The following TTK variants were observed in gnomAD, a reference collection of about 807,000 sequenced individuals.
TTK encodes the protein dual specificity protein kinase TTK.
Under a neutral mutation model 117.3 loss-of-function variants are expected in TTK, and 59 were observed. That is an observed-to-expected ratio of 0.50 (90% CI 0.41 to 0.62). The LOEUF is 0.62. Among genes scored for constraint, TTK ranks in the 20% least tolerant of loss-of-function variants. TTK has a pLI of 0.00. For synonymous variants in TTK, 302 were observed against 325.0 expected, an observed-to-expected ratio of 0.93 and a Z score of 0.76; for missense variants, 921 against 989.4, an observed-to-expected ratio of 0.93 and a Z score of 0.93.
intron 2 of TTK, among the ~76,000 whole-genome samples, chr6:80,006,815 C>A (rs1321972616): frequency 6.6e-6 from 1 of 151,866 alleles, no homozygotes; most frequent in African/African-American, 2.4e-5. Flanking sequence ...AAGGTCAGAC[C>A]AAATTAAATT....
chr6:80,010,602 AT>A (rs1421646554), intron 4 of TTK, among the ~76,000 whole-genome samples: 1 of 151,784 alleles, frequency 6.6e-6, no homozygotes, highest in Non-Finnish European at 1.5e-5. Context: ...ACTATTTGGT[AT>A]GCATTGTTAT....
intron 9 of TTK, among the ~76,000 whole-genome samples, chr6:80,014,009 G>A (rs1452864535): frequency 6.6e-6 from 1 of 152,046 alleles, no homozygotes; most frequent in African/African-American, 2.4e-5. Flanking sequence ...CTGTCCTAGA[G>A]AACAGTGCAT....
rs1350175387 is a variant in TTK at position 80,009,532 on chromosome 6, C to G, written c.469+1040C>G. 4.6e-5 allele frequency among the ~76,000 whole-genome samples: 7 copies of G among 152,046 alleles called. No individual in the cohort carries two copies. In the East Asian group the frequency reaches 1.2e-3, roughly 25 times the overall value. ...GCAAGGCTTCTTTCTCTCCATTCTG[C>G]TTGAAAATTTCTTGAGGTATTGTGG... On this transcript the variant is annotated intron_variant, in intron 4 of 21. Transcript: ENST00000369798.
At chr6:80,013,411 T>C in intron 9 of TTK, 45 bp downstream of exon 9, 2 of 1,462,770 alleles carry the variant, frequency 1.4e-6, no homozygotes, top group Non-Finnish European at 1.9e-6. Flanking sequence ...GTTCCTGATC[T>C]GGGAGGATCA....
At chr6:80,026,756 A>G (rs1767619489) in intron 12 of TTK, among the ~76,000 whole-genome samples, 1 of 152,200 alleles carries the variant, frequency 6.6e-6, no homozygotes, top group Non-Finnish European at 1.5e-5. Context: ...ATCTGTACCT[A>G]CAACCTATAA....
intron 14 of TTK, 136 bp downstream of exon 14, chr6:80,031,695 C>CTA (rs1165140510): frequency 3.8e-6 from 2 of 520,036 alleles, no homozygotes; most frequent in Non-Finnish European, 6.5e-6. Flanking sequence ...GCCATCTTAA[C>CTA]ACCTGCCTTT....
chr6:80,013,183 G>A, intron 8 of TTK, 96 bp from the exon 9 acceptor site: 3 of 920,034 alleles, frequency 3.3e-6, no homozygotes, highest in South Asian at 3.2e-5. Flanking sequence ...TAAAAAGTAT[G>A]TATATTATTA....
rs746581445 is a variant in TTK at position 80,035,035 on chromosome 6, G to T, written c.1665G>T (p.Val555=). The change falls in exon 15 of 22, where the codon GTG becomes GTT. Residue 555 remains valine, a synonymous_variant. Transcript: ENST00000369798. ...EKKQIYAIKY[V]NLEEADNQTL... is the part of the protein sequence containing the mutation. ...AACAGATATATGCTATAAAATATGT[G>T]AACTTAGAAGAAGCAGATAACCAAA... The T allele has an allele frequency of 6.3e-7, 1 of 1,597,764 alleles. No homozygotes were observed. Among genetic ancestry groups the T allele is most frequent in the South Asian group, 1.2e-5 (1 of 86,864 alleles).
intron 13 of TTK, among the ~76,000 whole-genome samples, chr6:80,029,033 A>G (rs1014472188): frequency 6.6e-6 from 1 of 152,216 alleles, no homozygotes. Context: ...AATACAGAGC[A>G]TGACACTTAG....
rs940005678 is a variant in TTK at position 80,039,723 on chromosome 6, T to G, written c.2158T>G (p.Leu720Val). ...KISPKSDVWS[L>V]GCILYYMTYG... is the part of the protein sequence containing the mutation. ...AAGCCCCAAAAGTGATGTTTGGTCC[T>G]TAGGATGTATTTTGTACTATATGAC... The change falls in exon 19 of 22, where the codon TTA becomes GTA. Residue 720 changes from leucine (L) to valine (V), a missense_variant. Coordinates refer to ENST00000369798, the MANE Select transcript of TTK (RefSeq NM_003318.5). 2.6e-6 allele frequency: 4 copies of G among 1,549,322 alleles called. No individual in the cohort carries two copies. The African/African-American group carries it at 5.6e-5, about 22-fold the overall frequency.
At chr6:80,039,945 C>A in intron 19 of TTK, 73 bp downstream of exon 19, 4 of 1,228,076 alleles carry the variant, frequency 3.3e-6, no homozygotes, top group Non-Finnish European at 4.4e-6. Flanking sequence ...ATGTAACTGG[C>A]TTAGATATAA....
intron 3 of TTK, 57 bp downstream of exon 3, chr6:80,008,088 G>A: frequency 6.6e-7 from 1 of 1,523,162 alleles, no homozygotes; most frequent in Non-Finnish European, 8.9e-7. Context: ...TAACTACACT[G>A]CAAAGAGAGA....
intron 10 of TTK, among the ~76,000 whole-genome samples, chr6:80,020,588 A>C (rs960392155): frequency 1.3e-5 from 2 of 152,224 alleles, no homozygotes; most frequent in Non-Finnish European, 2.9e-5. Context: ...GAATTTGCCC[A>C]TAGTTTTAAA....
intron 21 of TTK, 145 bp downstream of exon 21, chr6:80,040,848 G>T: frequency 1.5e-6 from 1 of 652,042 alleles, no homozygotes; most frequent in Non-Finnish European, 2.6e-6. Flanking sequence ...CTTAACATGT[G>T]CATTTTGACA....
At chr6:80,028,761 C>G (rs1320856465) in intron 13 of TTK, among the ~76,000 whole-genome samples, 1 of 152,084 alleles carries the variant, frequency 6.6e-6, no homozygotes, top group Non-Finnish European at 1.5e-5. Flanking sequence ...ATACTAATAA[C>G]TAAACTAAGA....
chr6:80,034,096 T>A (rs1767827433), intron 14 of TTK, among the ~76,000 whole-genome samples: 1 of 152,170 alleles, frequency 6.6e-6, no homozygotes, highest in Non-Finnish European at 1.5e-5. Context: ...TAAATTATCA[T>A]TTAAGTTAAT....
In TTK at chr6:80,031,150, A is replaced by G. The variant is rs143699241; in HGVS notation, c.1522-317A>G. Among the ~76,000 whole-genome samples, 604 of 151,422 alleles carry G rather than the reference A, an allele frequency of 4.0e-3. 1 individual carries two copies. Among genetic ancestry groups the G allele is most frequent in the Non-Finnish European group, 6.7e-3 (457 of 67,822 alleles). On this transcript the variant is annotated intron_variant, in intron 13 of 21. Coordinates refer to ENST00000369798, the MANE Select transcript of TTK (RefSeq NM_003318.5). ...AAAGAATAGAAAAGAAAAATGAAAA[A>G]TATAATTTTATATTTTATTTTTATA...
intron 10 of TTK, 133 bp downstream of exon 10, chr6:80,014,719 C>A: frequency 2.1e-6 from 2 of 937,896 alleles, no homozygotes; most frequent in Non-Finnish European, 3.1e-6. Context: ...AATTTCCGTT[C>A]AGTTATATAG....
chr6:80,022,375 G>A lies in TTK; in HGVS notation c.1160G>A (p.Trp387Ter). Residue 387 changes from tryptophan (W) to a stop codon, truncating the protein, a stop_gained, in exon 11 of 22, where the codon TGG (tryptophan) becomes TAG (stop). Transcript: ENST00000369798. LOFTEE classifies it high-confidence loss of function. ...PEVPESNQKQ[W>*]QSKRKSECIN... ...GTTCCAGAGAGTAACCAGAAACAGTGGCAATCTAAGAGAAAGTCAGAGTGT... is the reference window on the plus strand; with the variant it reads ...GTTCCAGAGAGTAACCAGAAACAGTAGCAATCTAAGAGAAAGTCAGAGTGT... 1 of 1,613,946 alleles carries A rather than the reference G, an allele frequency of 6.2e-7. No individual in the cohort carries two copies. Among genetic ancestry groups the A allele is most frequent in the Non-Finnish European group, 8.5e-7 (1 of 1,179,954 alleles).
Sources: allele counts gnomAD v4.1 joint callset (sites outside exome capture counted in the v4.1 genomes callset), GRCh38; gene constraint gnomAD v4.1.1; transcripts MANE v1.5; gene names NCBI Gene and HGNC (gene_info 2026-07-23, HGNC 2026-07-21).